Variants in TTC39C observed in about 807,000 individuals in gnomAD.
The protein encoded by TTC39C is tetratricopeptide repeat protein 39C.
In TTC39C, 33 loss-of-function variants were observed where a neutral mutation model predicts 76.3. The ratio of observed to expected loss-of-function variants is 0.43; its 90% CI spans 0.33 to 0.58. The LOEUF is 0.58. Ranked by LOEUF, TTC39C falls within the 20% of genes least tolerant of loss-of-function variation. TTC39C has a pLI of 0.04. For synonymous variants in TTC39C, 254 were observed against 260.6 expected (o/e 0.97, Z 0.24); for missense variants, 595 against 701.4 (o/e 0.85, Z 1.71).
At chr18:24,113,567 T>C (rs913979106) in intron 6 of TTC39C, 2 of 702,002 alleles carry the variant, frequency 2.8e-6, no homozygotes, top group African/African-American at 3.5e-5. Context: ...TGTAGGGCAG[T>C]GAGAGGAGCC....
At chr18:24,002,139 C>T (rs1304456268) in intron 1 of TTC39C, among the ~76,000 whole-genome samples, 1 of 152,140 alleles carries the variant, frequency 6.6e-6, no homozygotes, top group African/African-American at 2.4e-5. Flanking sequence ...GGGCTGTCAG[C>T]CTCCTTGGTG....
intron 1 of TTC39C, among the ~76,000 whole-genome samples, chr18:24,002,714 C>T (rs1279015892): frequency 1.3e-5 from 2 of 152,114 alleles, no homozygotes; most frequent in South Asian, 4.1e-4. Flanking sequence ...GAGAAAAAAA[C>T]CAAACTGTAG....
intron 1 of TTC39C, among the ~76,000 whole-genome samples, chr18:24,043,673 C>T (rs1042037661): frequency 1.3e-5 from 2 of 152,210 alleles, no homozygotes; most frequent in African/African-American, 4.8e-5. Flanking sequence ...AGAGCTTTCA[C>T]ACATTTCATG....
At chr18:24,089,091 C>T (rs548953819) in intron 6 of TTC39C, among the ~76,000 whole-genome samples, 8 of 152,234 alleles carry the variant, frequency 5.3e-5, no homozygotes, top group African/African-American at 1.9e-4. Flanking sequence ...GGAGAGCAGA[C>T]GTTGACCCCT....
In TTC39C at chr18:24,108,654, T is replaced by C. The variant is rs911039264; in HGVS notation, c.985-5900T>C. ...TTAAAAGTACATTAGTATGGAAATATCAAGAATAGCTTGAATTTTTTAATT... is the reference window on the plus strand; with the variant it reads ...TTAAAAGTACATTAGTATGGAAATACCAAGAATAGCTTGAATTTTTTAATT... On this transcript the variant is annotated intron_variant, in intron 6 of 13. Transcript: ENST00000317571. Among the ~76,000 whole-genome samples the C allele has an allele frequency of 2.6e-5, 4 of 152,234 alleles. No homozygotes were observed. The South Asian group carries it at 8.3e-4, about 32-fold the overall frequency.
chr18:24,020,674 T>C (rs554990046), intron 1 of TTC39C, among the ~76,000 whole-genome samples: 1 of 152,298 alleles, frequency 6.6e-6, no homozygotes, highest in African/African-American at 2.4e-5. Context: ...ATGTAGATAG[T>C]TGTTATACTG....
intron 6 of TTC39C, among the ~76,000 whole-genome samples, chr18:24,098,264 C>G (rs897607425): frequency 6.6e-6 from 1 of 151,864 alleles, no homozygotes; most frequent in Non-Finnish European, 1.5e-5. Context: ...TATGTCTGTC[C>G]TGTCGTATAT....
chr18:24,024,780 G>A (rs187578822), intron 1 of TTC39C, among the ~76,000 whole-genome samples: 1 of 152,296 alleles, frequency 6.6e-6, no homozygotes, highest in African/African-American at 2.4e-5. Context: ...ATGTTTATAG[G>A]ATAGTTGAGT....
chr18:24,044,694 C>T (rs769146909), intron 1 of TTC39C, among the ~76,000 whole-genome samples: 5 of 152,288 alleles, frequency 3.3e-5, no homozygotes, highest in Middle Eastern at 3.4e-3. Flanking sequence ...AAAACGAAGA[C>T]GTACCTGTGG....
chr18:24,083,949 G>A (rs144282785), intron 6 of TTC39C, among the ~76,000 whole-genome samples: 52 of 152,218 alleles, frequency 3.4e-4, no homozygotes, highest in African/African-American at 1.2e-3. Flanking sequence ...AGTTAACCAG[G>A]CACTCTGAGA....
intron 6 of TTC39C, among the ~76,000 whole-genome samples, chr18:24,096,977 T>G (rs2084597491): frequency 6.6e-6 from 1 of 151,842 alleles, no homozygotes; most frequent in South Asian, 2.1e-4. Flanking sequence ...ATTGGTGCCC[T>G]TTAAAATTAG....
chr18:24,123,075 T>G (rs923443388), intron 8 of TTC39C, among the ~76,000 whole-genome samples: 1 of 152,206 alleles, frequency 6.6e-6, no homozygotes, highest in Non-Finnish European at 1.5e-5. Context: ...GCCAAGGAAC[T>G]TGGACAGGAC....
chr18:24,127,769 G>T (rs1160873829), intron 10 of TTC39C, among the ~76,000 whole-genome samples: 1 of 152,190 alleles, frequency 6.6e-6, no homozygotes, highest in Non-Finnish European at 1.5e-5. Context: ...TCCCGCTTTG[G>T]TCTTCCAAAG....
At chr18:24,119,532 A>G (rs1224629435) in intron 8 of TTC39C, among the ~76,000 whole-genome samples, 2 of 152,202 alleles carry the variant, frequency 1.3e-5, no homozygotes, top group African/African-American at 2.4e-5. Flanking sequence ...TAAATTCCCT[A>G]TAAAATTGCA....
intron 1 of TTC39C, among the ~76,000 whole-genome samples, chr18:24,007,778 TTTAAA>T (rs2083365787): frequency 6.6e-6 from 1 of 152,244 alleles, no homozygotes; most frequent in African/African-American, 2.4e-5. Context: ...TTCGAAACAG[TTTAAA>T]TTAATCATCT....
chr18:24,117,712 A>T (rs1337373393), intron 7 of TTC39C, among the ~76,000 whole-genome samples: 2 of 100,446 alleles, frequency 2.0e-5, no homozygotes, highest in Non-Finnish European at 3.6e-5. Flanking sequence ...AAAAAAAAAG[A>T]AAAAAAAAAA....
At chr18:24,126,078 T>G (rs527605002) in intron 10 of TTC39C, among the ~76,000 whole-genome samples, 8 of 152,178 alleles carry the variant, frequency 5.3e-5, no homozygotes, top group Non-Finnish European at 7.4e-5. Flanking sequence ...TCCCAGCTAC[T>G]TGGGAGACTG....
chr18:23,996,787 T>G (rs765667751), intron 1 of TTC39C, among the ~76,000 whole-genome samples: 6 of 152,220 alleles, frequency 3.9e-5, no homozygotes, highest in Non-Finnish European at 8.8e-5. Context: ...CAATCTCCAC[T>G]TCAGGGCATA....
intron 1 of TTC39C, among the ~76,000 whole-genome samples, chr18:24,025,201 C>T (rs2083585216): frequency 6.6e-6 from 1 of 152,194 alleles, no homozygotes; most frequent in East Asian, 1.9e-4. Flanking sequence ...ATGTCATTTT[C>T]ATGACAGAAG....
Sources: gnomAD v4.1 joint callset for allele counts (sites outside exome capture counted in the v4.1 genomes callset) on GRCh38, gnomAD v4.1.1 for gene constraint, MANE v1.5 for transcripts, NCBI Gene and HGNC (gene_info 2026-07-23, HGNC 2026-07-21) for gene names.